Variants in IGF1R observed in about 807,000 individuals in gnomAD.
IGF1R encodes insulin like growth factor 1 receptor, also known as insulin-like growth factor 1 receptor.
In IGF1R, 44 loss-of-function variants were observed where a neutral mutation model predicts 144.6. That is an observed-to-expected ratio of 0.30 (90% CI 0.24 to 0.39). The LOEUF is 0.39. Among genes scored for constraint, IGF1R ranks in the 10% least tolerant of loss-of-function variants. The pLI is 1.00. For synonymous variants in IGF1R, 795 were observed against 722.8 expected (o/e 1.10, Z -1.60); for missense variants, 1,355 against 1,833.7 (o/e 0.74, Z 4.77).
intron 13 of IGF1R, among the ~76,000 whole-genome samples, chr15:98,928,630 C>T (rs2015818421): frequency 6.6e-6 from 1 of 152,192 alleles, no homozygotes; most frequent in Non-Finnish European, 1.5e-5. Flanking sequence ...AACAAGTTTT[C>T]CCTTGGGGAG....
At chr15:98,922,045 C>T (rs28637929) in intron 10 of IGF1R, 103 bp from the exon 11 acceptor site, 231,721 of 1,308,282 alleles carry the variant, frequency 0.18, 21,559 homozygotes, top group Non-Finnish European at 0.19. Flanking sequence ...TCAATAGCTC[C>T]TTCTATTCCA....
In IGF1R at chr15:98,960,618, C is replaced by G. The variant is rs986065634; in HGVS notation, c.*3176C>G. On this transcript the variant is annotated 3_prime_UTR_variant, in exon 21 of 21. Transcript: ENST00000650285. ...TGCTGCTCCATCCCTGCAGGAGGCT[C>G]GCGCTGAGGCAGGACCGTGCGGCCA... The G allele has an allele frequency of 8.6e-6, 2 of 233,432 alleles. No homozygotes were observed. Among genetic ancestry groups the G allele is most frequent in the Non-Finnish European group, 1.7e-5 (2 of 118,248 alleles). 14.5% of individuals were successfully genotyped at this position (233,432 alleles called of 1,614,324 possible).
intron 2 of IGF1R, among the ~76,000 whole-genome samples, chr15:98,730,631 T>A (rs1596244076): frequency 6.6e-6 from 1 of 152,164 alleles, no homozygotes; most frequent in Admixed American, 6.5e-5. Context: ...GGCTACCCCC[T>A]GAGGACTGGG....
chr15:98,693,113 C>G (rs1394229008), intron 1 of IGF1R, among the ~76,000 whole-genome samples: 1 of 152,184 alleles, frequency 6.6e-6, no homozygotes, highest in Non-Finnish European at 1.5e-5. Flanking sequence ...GCAGCACCCC[C>G]CTGACCCCAT....
intron 1 of IGF1R, 81 bp downstream of exon 1, chr15:98,649,756 G>T: frequency 9.2e-7 from 1 of 1,081,534 alleles, no homozygotes. Context: ...AACCCGAGTT[G>T]CCACCGTCGC....
intron 2 of IGF1R, among the ~76,000 whole-genome samples, chr15:98,786,088 C>T (rs1051595583): frequency 6.6e-6 from 1 of 152,194 alleles, no homozygotes; most frequent in Non-Finnish European, 1.5e-5. Flanking sequence ...ACGTGCACTC[C>T]TAGGCTTCAG....
In IGF1R at chr15:98,934,936, A is replaced by G; in HGVS notation, c.3069A>G (p.Lys1023=). The change falls in exon 16 of 21, where the codon AAA becomes AAG. Residue 1023 remains lysine, a synonymous_variant. Coordinates refer to ENST00000650285, the MANE Select transcript of IGF1R (RefSeq NM_000875.5). ...AAGGAGTTGCCAAGGGTGTGGTGAA[A>G]GATGAACCTGAAACCAGAGTGGCCA... ...VYEGVAKGVV[K]DEPETRVAIK... is the part of the protein sequence containing the mutation. 1 of 1,614,142 alleles carries G rather than the reference A, an allele frequency of 6.2e-7. No homozygotes were observed. Among genetic ancestry groups the G allele is most frequent in the Non-Finnish European group, 8.5e-7 (1 of 1,180,018 alleles).
At chr15:98,677,097 G>C (rs2053067353) in intron 1 of IGF1R, among the ~76,000 whole-genome samples, 1 of 151,812 alleles carries the variant, frequency 6.6e-6, no homozygotes, top group African/African-American at 2.4e-5. Flanking sequence ...ACCATGCCTG[G>C]CTAAGTTTTT....
chr15:98,875,557 T>C (rs1168607724), intron 2 of IGF1R, among the ~76,000 whole-genome samples: 1 of 152,144 alleles, frequency 6.6e-6, no homozygotes, highest in Admixed American at 6.6e-5. Context: ...TTTTTTTTTT[T>C]TTGAGAATGG....
chr15:98,831,417 G>A (rs944625535), intron 2 of IGF1R, among the ~76,000 whole-genome samples: 1 of 152,146 alleles, frequency 6.6e-6, no homozygotes, highest in African/African-American at 2.4e-5. Context: ...CTCACGCCCA[G>A]CTTCCCACCC....
chr15:98,683,702 G>A (rs1269330424), intron 1 of IGF1R, among the ~76,000 whole-genome samples: 1 of 152,226 alleles, frequency 6.6e-6, no homozygotes, highest in Non-Finnish European at 1.5e-5. Context: ...ATCAGTCACA[G>A]TTGGATGGCA....
chr15:98,692,498 A>G (rs1053229662), intron 1 of IGF1R, among the ~76,000 whole-genome samples: 51 of 152,314 alleles, frequency 3.3e-4, no homozygotes, highest in African/African-American at 1.2e-3. Flanking sequence ...ATGAGCCACT[A>G]TGCTCAGCCA....
intron 1 of IGF1R, among the ~76,000 whole-genome samples, chr15:98,669,743 G>A (rs1014758225): frequency 6.6e-6 from 1 of 152,186 alleles, no homozygotes; most frequent in African/African-American, 2.4e-5. Flanking sequence ...TCTGCCCCAG[G>A]CTGTGCAGTC....
intron 2 of IGF1R, among the ~76,000 whole-genome samples, chr15:98,858,786 A>T (rs2011977820): frequency 6.6e-6 from 1 of 152,182 alleles, no homozygotes; most frequent in Non-Finnish European, 1.5e-5. Flanking sequence ...TAGCATCATC[A>T]TCCTTATCAG....
chr15:98,794,792 A>G (rs1185339883), intron 2 of IGF1R, among the ~76,000 whole-genome samples: 1 of 152,216 alleles, frequency 6.6e-6, no homozygotes, highest in East Asian at 1.9e-4. Flanking sequence ...AGTGATCTGA[A>G]TTCACTACAA....
In IGF1R at chr15:98,901,778, T is replaced by G. The variant is rs555450209; in HGVS notation, c.1247+2157T>G. Among the ~76,000 whole-genome samples the G allele has an allele frequency of 3.9e-5, 6 of 152,246 alleles. No homozygotes were observed. In the South Asian group the frequency reaches 1.2e-3, roughly 32 times the overall value. On this transcript the variant is annotated intron_variant, in intron 5 of 20. Transcript: ENST00000650285. The stretch of plus-strand genomic sequence containing the variant: ...AAGAGGTGGCATTTGAGATGGGCCT[T>G]GAAGGCTTTCGGGAAAAACTTGAGG...
At chr15:98,854,178 T>C (rs1596361982) in intron 2 of IGF1R, among the ~76,000 whole-genome samples, 1 of 152,142 alleles carries the variant, frequency 6.6e-6, no homozygotes, top group African/African-American at 2.4e-5. Context: ...CCCGGGGCCA[T>C]GAGGTTCTGG....
At position 98,916,020 on chromosome 15, in the gene IGF1R, G is replaced by C. The variant is rs754639884; in HGVS notation, c.1885G>C (p.Val629Leu). 2 of 1,613,888 alleles carry C rather than the reference G, an allele frequency of 1.2e-6. No homozygotes were observed. The highest frequency in any genetic ancestry group is 2.7e-5 in the African/African-American group (2 of 74,862). ...ATCGAACTCCTCTTCTCAGTTAATC[G>C]TGAAGTGGAACCCTCCCTCTCTGCC... Reference protein sequence around the residue: ...SASNSSSQLIVKWNPPSLPNG... With the variant: ...SASNSSSQLILKWNPPSLPNG... Residue 629 changes from valine (V) to leucine (L), a missense_variant, in exon 9 of 21, where the codon GTG becomes CTG. Physicochemically the swap from Val to Leu is conservative, Grantham distance 32. Transcript: ENST00000650285.
Position 98,929,625 on chromosome 15 carries a change from G to C in IGF1R, c.2850G>C (p.Gly950=), listed in dbSNP as rs201627513. 6.2e-7 allele frequency: 1 copy of C among 1,614,146 alleles called. No individual in the cohort carries two copies. Among genetic ancestry groups the C allele is most frequent in the South Asian group, 1.1e-5 (1 of 91,084 alleles). ...TCGCTGTCCTGTTGATCGTGGGAGG[G>C]TTGGTGATTATGCTGTACGTCTTCC... is the stretch of plus-strand genomic sequence containing the variant. ...LPVAVLLIVG[G]LVIMLYVFHR... Residue 950 remains glycine, a synonymous_variant, in exon 14 of 21, where the codon GGG becomes GGC. Transcript: ENST00000650285.
Sources: allele counts gnomAD v4.1 joint callset (sites outside exome capture counted in the v4.1 genomes callset), GRCh38; gene constraint gnomAD v4.1.1; transcripts MANE v1.5; gene names NCBI Gene and HGNC (gene_info 2026-07-23, HGNC 2026-07-21).